DIS3L2: variants seen among roughly 807,000 people sequenced by gnomAD.
DIS3L2 encodes DIS3-like exonuclease 2.
Under a neutral mutation model 97.5 loss-of-function variants are expected in DIS3L2, and 34 were observed. The ratio of observed to expected loss-of-function variants is 0.35; its 90% CI spans 0.27 to 0.46. The LOEUF is 0.46. DIS3L2 is among the 20% of genes least tolerant of loss of function. The pLI, the probability that DIS3L2 is intolerant of heterozygous loss-of-function variation, is 1.00. For synonymous variants in DIS3L2, 435 were observed against 445.2 expected, an observed-to-expected ratio of 0.98 and a Z score of 0.29; for missense variants, 1,038 against 1,146.0, an observed-to-expected ratio of 0.91 and a Z score of 1.36.
chr2:232,062,799 C>T (rs747798549), intron 5 of DIS3L2, among the ~76,000 whole-genome samples: 37 of 152,044 alleles, frequency 2.4e-4, no homozygotes, highest in Non-Finnish European at 3.1e-4. Flanking sequence ...AGCCTGCCTG[C>T]GTGCCTGCCT....
chr2:232,167,373 TTATA>T (rs1690855066), intron 9 of DIS3L2, among the ~76,000 whole-genome samples: 1 of 152,268 alleles, frequency 6.6e-6, no homozygotes, highest in Admixed American at 6.5e-5. Flanking sequence ...AGAAAACTGT[TTATA>T]TAGTAATTTT....
chr2:232,249,299 G>A lies in DIS3L2; in HGVS notation c.1378G>A (p.Asp460Asn), dbSNP rs776359062. 12 of 1,614,160 alleles carry A rather than the reference G, an allele frequency of 7.4e-6. No individual in the cohort carries two copies. The highest frequency in any genetic ancestry group is 1.1e-5 in the South Asian group (1 of 91,078). ...EELCSLNPMS[D>N]KLTFSVIWTL... ...GCTGTGCAGCCTCAACCCCATGTCCGACAAGCTGACCTTCTCTGTGATCTG... is the reference window on the plus strand; with the variant it reads ...GCTGTGCAGCCTCAACCCCATGTCCAACAAGCTGACCTTCTCTGTGATCTG... Residue 460 changes from aspartate to asparagine, a missense_variant, in exon 12 of 21, where the codon GAC (aspartate) becomes AAC (asparagine). Physicochemically the swap from Asp to Asn is conservative, Grantham distance 23. This residue lies in a region of DIS3L2 where 813 missense variants were observed against 880.1 expected (regional missense o/e 0.92). Coordinates refer to ENST00000325385, the MANE Select transcript of DIS3L2 (RefSeq NM_152383.5).
At chr2:232,035,053 GTTA>G (rs1694912488) in intron 5 of DIS3L2, among the ~76,000 whole-genome samples, 1 of 151,836 alleles carries the variant, frequency 6.6e-6, no homozygotes, top group Admixed American at 6.6e-5. Context: ...ATTATTGTCT[GTTA>G]TTGACAGTGT....
chr2:232,147,737 A>G (rs1308877197), intron 8 of DIS3L2, among the ~76,000 whole-genome samples: 2 of 152,200 alleles, frequency 1.3e-5, no homozygotes, highest in African/African-American at 4.8e-5. Context: ...TACTTTCATG[A>G]TTCATTTTAA....
intron 9 of DIS3L2, among the ~76,000 whole-genome samples, chr2:232,184,346 A>T (rs759618786): frequency 6.6e-6 from 1 of 152,172 alleles, no homozygotes; most frequent in Non-Finnish European, 1.5e-5. Context: ...GAGTGAAAGG[A>T]AGATAGAATT....
At chr2:232,088,930 T>G (rs1242497024) in intron 6 of DIS3L2, among the ~76,000 whole-genome samples, 2 of 152,210 alleles carry the variant, frequency 1.3e-5, no homozygotes, top group Non-Finnish European at 2.9e-5. Flanking sequence ...CTGGCCAGGC[T>G]GACTAGATAA....
At chr2:232,094,589 G>A (rs537875023) in intron 6 of DIS3L2, among the ~76,000 whole-genome samples, 15 of 151,786 alleles carry the variant, frequency 9.9e-5, no homozygotes, top group Non-Finnish European at 1.9e-4. Flanking sequence ...ATGGTGGTGC[G>A]CACCTATAAA....
intron 13 of DIS3L2, among the ~76,000 whole-genome samples, chr2:232,278,158 A>T (rs187635548): frequency 6.6e-6 from 1 of 152,054 alleles, no homozygotes; most frequent in East Asian, 1.9e-4. Context: ...TTTGACTCGC[A>T]TTTGTTTTCC....
At chr2:231,979,519 G>C (rs1173398411) in intron 1 of DIS3L2, among the ~76,000 whole-genome samples, 1 of 151,998 alleles carries the variant, frequency 6.6e-6, no homozygotes, top group Non-Finnish European at 1.5e-5. Context: ...GGCCTCCCAA[G>C]GCCACTGTGC....
chr2:232,001,438 A>G (rs1240682502), intron 1 of DIS3L2, among the ~76,000 whole-genome samples: 2 of 151,474 alleles, frequency 1.3e-5, no homozygotes, highest in Non-Finnish European at 2.9e-5. Flanking sequence ...TTCCTTGTGC[A>G]TTTTGGATAT....
intron 3 of DIS3L2, among the ~76,000 whole-genome samples, chr2:232,017,079 T>C (rs2106223764): frequency 6.6e-6 from 1 of 152,070 alleles, no homozygotes; most frequent in East Asian, 1.9e-4. Context: ...CTCTTGGTGG[T>C]TTTAATTTAT....
chr2:232,302,212 G>A (rs1344332589), intron 14 of DIS3L2, among the ~76,000 whole-genome samples: 1 of 151,638 alleles, frequency 6.6e-6, no homozygotes, highest in Non-Finnish European at 1.5e-5. Flanking sequence ...ACAGGAAGGG[G>A]AACATCATAC....
At chr2:231,989,001 G>C (rs143940103) in intron 1 of DIS3L2, among the ~76,000 whole-genome samples, 1 of 152,138 alleles carries the variant, frequency 6.6e-6, no homozygotes, top group Admixed American at 6.5e-5. Context: ...AAATTGCCAT[G>C]GTAAAATTGG....
At chr2:232,086,198 C>T (rs761706345) in intron 5 of DIS3L2, among the ~76,000 whole-genome samples, 62 of 147,362 alleles carry the variant, frequency 4.2e-4, no homozygotes, top group Admixed American at 4.0e-4. Context: ...CACGTATAGA[C>T]GTGTATACGT....
chr2:231,984,505 G>A (rs531820447), intron 1 of DIS3L2, among the ~76,000 whole-genome samples: 5 of 150,516 alleles, frequency 3.3e-5, no homozygotes, highest in Non-Finnish European at 7.4e-5. Flanking sequence ...TCCTGCCTCA[G>A]CCTCCCAAGT....
At chr2:232,290,411 A>G (rs1694569449) in intron 13 of DIS3L2, among the ~76,000 whole-genome samples, 1 of 152,164 alleles carries the variant, frequency 6.6e-6, no homozygotes, top group African/African-American at 2.4e-5. Context: ...TGCTGGGCTC[A>G]CCCAGTAATA....
intron 5 of DIS3L2, among the ~76,000 whole-genome samples, chr2:232,071,521 CAAAAAAAAGAAAA>C (rs769172817): frequency 3.0e-5 from 4 of 134,242 alleles, no homozygotes; most frequent in South Asian, 2.4e-4. Flanking sequence ...GACCCTGTCT[CAAAAAAAAGAAAA>C]AAAAAAAAGA....
chr2:232,166,980 C>T (rs1279138111), intron 9 of DIS3L2, among the ~76,000 whole-genome samples: 2 of 151,258 alleles, frequency 1.3e-5, no homozygotes, highest in East Asian at 1.9e-4. Flanking sequence ...GAGATCATGC[C>T]ACTGCCTGGA....
chr2:232,137,996 G>A (rs1415237121), intron 8 of DIS3L2, among the ~76,000 whole-genome samples: 1 of 152,158 alleles, frequency 6.6e-6, no homozygotes, highest in Non-Finnish European at 1.5e-5. Context: ...CACTCTGTTT[G>A]GCAGTAAAAG....
Sources: allele counts gnomAD v4.1 joint callset (sites outside exome capture counted in the v4.1 genomes callset), GRCh38; gene constraint gnomAD v4.1.1; regional missense constraint gnomAD v4.1.1; transcripts MANE v1.5; gene names NCBI Gene and HGNC (gene_info 2026-07-23, HGNC 2026-07-21).